Variants in GLIPR1L2 observed in about 807,000 individuals in gnomAD.
GLIPR1L2 encodes GLIPR1 like 2, also known as GLIPR1-like protein 2.
Under a neutral mutation model 28.4 loss-of-function variants are expected in GLIPR1L2, and 21 were observed. The ratio of observed to expected loss-of-function variants is 0.74; its 90% CI spans 0.52 to 1.06. The LOEUF (loss-of-function observed/expected upper bound fraction) is 1.06. GLIPR1L2 is among the 50% of genes least tolerant of loss of function. The pLI is 0.00. For missense variants in GLIPR1L2, 476 were observed against 416.9 expected (o/e 1.14, Z -1.23); for synonymous variants, 145 against 139.3 (o/e 1.04, Z -0.29).
intron 4 of GLIPR1L2, among the ~76,000 whole-genome samples, chr12:75,429,422 C>T (rs2046068057): frequency 6.6e-6 from 1 of 152,150 alleles, no homozygotes; most frequent in Admixed American, 6.5e-5. Context: ...TTCATTGTAT[C>T]TTAGAAGTAA....
intron 1 of GLIPR1L2, among the ~76,000 whole-genome samples, chr12:75,398,263 A>AG (rs2045702224): frequency 7.3e-6 from 1 of 136,950 alleles, no homozygotes; most frequent in African/African-American, 2.8e-5. Context: ...CGGGAAGCAG[A>AG]GGTTGCAGTG....
At chr12:75,423,694 T>C (rs2046003083) in intron 4 of GLIPR1L2, 1 of 159,386 alleles carries the variant, frequency 6.3e-6, no homozygotes. Context: ...ACATTAGATA[T>C]TTCTCCTAAG....
At chr12:75,394,785 CAT>C (rs2045666395) in intron 1 of GLIPR1L2, among the ~76,000 whole-genome samples, 1 of 78,056 alleles carries the variant, frequency 1.3e-5, no homozygotes, top group Non-Finnish European at 2.6e-5. Flanking sequence ...AAAAAAAAAA[CAT>C]TATTGGGATT....
chr12:75,422,849 C>T (rs1222458011), intron 3 of GLIPR1L2, 55 bp from the exon 4 acceptor site: 1 of 1,387,460 alleles, frequency 7.2e-7, no homozygotes, highest in Non-Finnish European at 1.0e-6. Flanking sequence ...ATTTAAATTA[C>T]ATGTAAAAAT....
intron 1 of GLIPR1L2, among the ~76,000 whole-genome samples, chr12:75,396,900 G>A (rs2045686677): frequency 6.6e-6 from 1 of 152,132 alleles, no homozygotes; most frequent in South Asian, 2.1e-4. Flanking sequence ...TTGCTGTTCT[G>A]TAGTTTTACC....
In GLIPR1L2 at chr12:75,391,606, G is replaced by A. The variant is rs151093369; in HGVS notation, c.234+256G>A. The A allele has an allele frequency of 2.4e-4, 286 of 1,200,276 alleles. 4 individuals carry two copies. In the East Asian group the frequency reaches 8.0e-3, roughly 33 times the overall value. 74.4% of individuals were successfully genotyped at this position (1,200,276 alleles called of 1,614,324 possible). A position where few individuals can be genotyped will look rare whatever the true frequency, so the allele number is the denominator to read the frequency against. ...CTGGCCTGAAGTGCAGATTTTAAGG[G>A]GGCGCCAATTCAAGAAAATGATATT... On this transcript the variant is annotated intron_variant, in intron 1 of 5. Transcript: ENST00000550916.
At chr12:75,393,816 A>G (rs757796337) in intron 1 of GLIPR1L2, among the ~76,000 whole-genome samples, 4 of 151,974 alleles carry the variant, frequency 2.6e-5, no homozygotes, top group Non-Finnish European at 4.4e-5. Flanking sequence ...AAGAACCCCC[A>G]TTCTGTTTTC....
At position 75,413,604 on chromosome 12, in the gene GLIPR1L2, T is replaced by G; in HGVS notation, c.487T>G (p.Trp163Gly). The G allele has an allele frequency of 6.5e-7, 1 of 1,542,852 alleles. No homozygotes were observed. The highest frequency in any genetic ancestry group is 8.7e-7 in the Non-Finnish European group (1 of 1,147,298). The change falls in exon 3 of 6, where the codon TGG becomes GGG. Residue 163 changes from tryptophan to glycine, a missense_variant. Physicochemically the swap from Trp to Gly is radical, Grantham distance 184. Transcript: ENST00000550916. ...GDCSNYIQLV[W>G]DHSYKVGCAV... ...CTTGAAAATTTTATTTTAGCTTGTT[T>G]GGGACCACTCTTACAAAGTTGGTTG...
intron 1 of GLIPR1L2, among the ~76,000 whole-genome samples, chr12:75,408,591 T>G (rs2045827993): frequency 6.6e-6 from 1 of 152,088 alleles, no homozygotes. Context: ...CATGGGACAT[T>G]GTTTGCAAAT....
intron 4 of GLIPR1L2, among the ~76,000 whole-genome samples, chr12:75,424,991 G>A (rs1397473805): frequency 1.3e-5 from 2 of 152,106 alleles, no homozygotes; most frequent in African/African-American, 2.4e-5. Context: ...GGATCCACAC[G>A]AGATGCAGTG....
In GLIPR1L2 at chr12:75,430,962, C is replaced by G. The variant is rs150239550; in HGVS notation, c.836C>G (p.Pro279Arg). 422 of 1,535,494 alleles carry G rather than the reference C, an allele frequency of 2.7e-4. 3 individuals carry two copies. The highest frequency in any genetic ancestry group is 2.3e-3 in the African/African-American group (166 of 73,018). Residue 279 changes from proline (P) to arginine (R), a missense_variant, in exon 6 of 6, where the codon CCA becomes CGA. Pro to Arg is a moderately radical substitution (Grantham distance 103, BLOSUM62 -2). Coordinates refer to ENST00000550916, the MANE Select transcript of GLIPR1L2 (RefSeq NM_001270396.2). The part of the protein sequence containing the change: ...ITVLIVQSQF[P>R]NILLEQQMIF... Reference sequence around the variant, plus strand: ...GTTTTGATAGTACAGTCTCAGTTTCCAAATATCTTGTTGGAACAACAAATG... The same window carrying G: ...GTTTTGATAGTACAGTCTCAGTTTCGAAATATCTTGTTGGAACAACAAATG...
rs1434677456 is a variant in GLIPR1L2, at chr12:75,413,705, A to G, written c.584+4A>G. The G allele has an allele frequency of 2.6e-5, 34 of 1,329,994 alleles. No individual in the cohort carries two copies. In the Admixed American group the frequency reaches 8.8e-4, roughly 34 times the overall value. 82.4% of individuals were successfully genotyped at this position (1,329,994 alleles called of 1,614,324 possible). A position where few individuals can be genotyped will look rare whatever the true frequency, so the allele number is the denominator to read the frequency against. On this transcript the variant is annotated splice_donor_region_variant and intron_variant, in intron 3 of 5. Coordinates refer to ENST00000550916, the MANE Select transcript of GLIPR1L2 (RefSeq NM_001270396.2). ...TCATATGCAACTATGCGCCAGGGTA[A>G]GTTACTTAAAATTAATAAAAGAATA...
chr12:75,406,779 GAGAGAGAGAA>G (rs1284753430), intron 1 of GLIPR1L2, among the ~76,000 whole-genome samples: 1 of 143,574 alleles, frequency 7.0e-6, no homozygotes, highest in African/African-American at 2.6e-5. Context: ...AAAAAAGAGA[GAGAGAGAGAA>G]AGAGAGAGAG....
At chr12:75,394,371 T>C (rs1358788153) in intron 1 of GLIPR1L2, among the ~76,000 whole-genome samples, 2 of 152,072 alleles carry the variant, frequency 1.3e-5, no homozygotes, top group Admixed American at 1.3e-4. Flanking sequence ...CTGTGCTTTT[T>C]AAAGGTTTTA....
intron 2 of GLIPR1L2, among the ~76,000 whole-genome samples, chr12:75,412,722 T>C (rs1424890269): frequency 6.6e-6 from 1 of 151,140 alleles, no homozygotes. Context: ...TGTGGAGAAA[T>C]AGGAACACTT....
chr12:75,412,377 C>A (rs939228508), intron 2 of GLIPR1L2, among the ~76,000 whole-genome samples: 4 of 151,908 alleles, frequency 2.6e-5, no homozygotes, highest in Non-Finnish European at 5.9e-5. Flanking sequence ...TTCTGCACAG[C>A]AAAAGAAACT....
rs531883266 is a variant in GLIPR1L2, at chr12:75,404,354, C to T, written c.235-6080C>T. Among the ~76,000 whole-genome samples, 34 of 152,096 alleles carry T rather than the reference C, an allele frequency of 2.2e-4. No homozygotes were observed. The East Asian group carries it at 6.0e-3, about 27-fold the overall frequency. On this transcript the variant is annotated intron_variant, in intron 1 of 5. Coordinates refer to ENST00000550916, the MANE Select transcript of GLIPR1L2 (RefSeq NM_001270396.2). ...CAAGTCTTATATAAATTAAACATTC[C>T]TCAAACTCTCAGAAAAATACAAACT...
rs568327899 is a variant in GLIPR1L2 at position 75,427,694 on chromosome 12, G to A, written c.671-3021G>A. ...TTGAATTGTAATCCCCACATGTTGA[G>A]GGAGGGACCTGGTGGGAGGTAATTA... On this transcript the variant is annotated intron_variant, in intron 4 of 5. Coordinates refer to ENST00000550916, the MANE Select transcript of GLIPR1L2 (RefSeq NM_001270396.2). Among the ~76,000 whole-genome samples the A allele has an allele frequency of 7.7e-4, 117 of 152,302 alleles. No individual in the cohort carries two copies. In the South Asian group the frequency reaches 0.023, roughly 30 times the overall value.
intron 1 of GLIPR1L2, among the ~76,000 whole-genome samples, chr12:75,410,023 A>G (rs2045849191): frequency 1.3e-5 from 2 of 151,456 alleles, no homozygotes; most frequent in African/African-American, 4.8e-5. Context: ...TATTCTTGAC[A>G]ATATGATATT....
Sources: gnomAD v4.1 joint callset for allele counts (sites outside exome capture counted in the v4.1 genomes callset) on GRCh38, gnomAD v4.1.1 for gene constraint, MANE v1.5 for transcripts, NCBI Gene and HGNC (gene_info 2026-07-23, HGNC 2026-07-21) for gene names.